The following PDE8B variants were observed in gnomAD, a reference collection of about 807,000 sequenced individuals.
The protein encoded by PDE8B is phosphodiesterase 8B.
PDE8B carries 26 observed loss-of-function variants against 101.3 expected under a neutral mutation model. That is an observed-to-expected ratio of 0.26 (90% CI 0.19 to 0.36). PDE8B has a LOEUF of 0.36. PDE8B is among the 10% of genes least tolerant of loss of function. The probability of loss-of-function intolerance (pLI) is 1.00; values close to 1 mark genes in which losing one functional copy is unlikely to be tolerated. For missense variants in PDE8B, 810 were observed against 1,163.1 expected (o/e 0.70, Z 4.42); for synonymous variants, 424 against 429.3 (o/e 0.99, Z 0.15).
At chr5:77,305,454 G>A (rs1397855763) in intron 1 of PDE8B, among the ~76,000 whole-genome samples, 4 of 152,136 alleles carry the variant, frequency 2.6e-5, no homozygotes, top group African/African-American at 9.7e-5. Context: ...CAGCCAGCAG[G>A]GCCCACAACT....
At chr5:77,135,942 C>G in the PDE8B span, among the ~76,000 whole-genome samples, 8,784 of 152,208 alleles carry the variant, frequency 0.058, 284 homozygotes, top group South Asian at 0.13. Flanking sequence ...AATTCTCTTT[C>G]TGGAACTCCT....
At chr5:77,303,169 G>A (rs1261817136) in intron 1 of PDE8B, among the ~76,000 whole-genome samples, 1 of 152,082 alleles carries the variant, frequency 6.6e-6, no homozygotes, top group African/African-American at 2.4e-5. Context: ...CCATTTATTT[G>A]GAAATATCTA....
chr5:77,293,904 T>C (rs1268170523), intron 1 of PDE8B, among the ~76,000 whole-genome samples: 5 of 152,222 alleles, frequency 3.3e-5, no homozygotes, highest in African/African-American at 1.2e-4. Context: ...GTTTGTTTTC[T>C]TAATGTTGAG....
intron 18 of PDE8B, 137 bp downstream of exon 18, chr5:77,418,583 C>G (rs1796025037): frequency 2.8e-6 from 2 of 714,982 alleles, no homozygotes; most frequent in Non-Finnish European, 5.0e-6. Context: ...TTGCCCTTAA[C>G]TTAATTTGAC....
intron 20 of PDE8B, 78 bp downstream of exon 20, chr5:77,422,066 C>T (rs1403884667): frequency 6.9e-7 from 1 of 1,445,588 alleles, no homozygotes; most frequent in African/African-American, 1.4e-5. Flanking sequence ...GGGGATTCTC[C>T]AGCTGAGTAA....
intron 1 of PDE8B, among the ~76,000 whole-genome samples, chr5:77,233,282 A>T (rs1253674511): frequency 1.3e-5 from 2 of 152,050 alleles, no homozygotes; most frequent in Admixed American, 6.5e-5. Context: ...CCTACCATTG[A>T]TGAAGGCCAG....
In PDE8B at chr5:77,413,219, C is replaced by T; in HGVS notation, c.1821C>T (p.Asn607=). ...CCTGGTTCCAAGTGATCGAAGCCAA[C>T]TACCACTCTTCCAATGCCTACCACA... ...LRAWFQVIEA[N]YHSSNAYHNS... The change falls in exon 17 of 22, where the codon AAC becomes AAT. Residue 607 remains asparagine (N), a synonymous_variant. Coordinates refer to ENST00000264917, the MANE Select transcript of PDE8B (RefSeq NM_003719.5). The T allele has an allele frequency of 6.2e-7, 1 of 1,614,080 alleles. No individual in the cohort carries two copies. Among genetic ancestry groups the T allele is most frequent in the South Asian group, 1.1e-5 (1 of 91,078 alleles).
chr5:77,157,986 C>CA, the PDE8B span, among the ~76,000 whole-genome samples: 43,190 of 152,180 alleles, frequency 0.28, 7,490 homozygotes, highest in Non-Finnish European at 0.39. Flanking sequence ...CTGTGTGGGA[C>CA]ACTTGCCACT....
Position 77,377,825 on chromosome 5 carries a change from A to G in PDE8B, c.1168-22423A>G, listed in dbSNP as rs1447045900. On this transcript the variant is annotated intron_variant, in intron 10 of 21. Transcript: ENST00000264917. ...TGCTTCTTAAGCTGGGACGTTCATC[A>G]TCTCCTTCCCCTGACATCGGTGCTC... 2.0e-5 allele frequency among the ~76,000 whole-genome samples: 3 copies of G among 152,244 alleles called. No homozygotes were observed. In the East Asian group the frequency reaches 5.8e-4, roughly 29 times the overall value.
intron 1 of PDE8B, among the ~76,000 whole-genome samples, chr5:77,249,372 A>T (rs1350358473): frequency 6.6e-6 from 1 of 152,242 alleles, no homozygotes; most frequent in Non-Finnish European, 1.5e-5. Flanking sequence ...GAGAGGTTGA[A>T]TGAGTTATCT....
At chr5:77,109,483 C>T in the PDE8B span, among the ~76,000 whole-genome samples, 1 of 152,216 alleles carries the variant, frequency 6.6e-6, no homozygotes, top group African/African-American at 2.4e-5. Flanking sequence ...GACCTTATAC[C>T]TCATTCCCAA....
At chr5:77,256,782 C>T (rs2149667789) in intron 1 of PDE8B, among the ~76,000 whole-genome samples, 1 of 152,224 alleles carries the variant, frequency 6.6e-6, no homozygotes, top group African/African-American at 2.4e-5. Flanking sequence ...GAAGAGCCAA[C>T]TATTACATTT....
At chr5:77,367,266 C>G (rs1468002159) in intron 10 of PDE8B, among the ~76,000 whole-genome samples, 1 of 152,126 alleles carries the variant, frequency 6.6e-6, no homozygotes, top group Non-Finnish European at 1.5e-5. Context: ...TTCACAGCTG[C>G]TGAAGGTGAG....
At chr5:77,314,582 T>G (rs901751544) in intron 2 of PDE8B, among the ~76,000 whole-genome samples, 3 of 152,082 alleles carry the variant, frequency 2.0e-5, no homozygotes, top group African/African-American at 7.2e-5. Context: ...AACTCATGTA[T>G]TAGTTTTTTG....
At chr5:77,088,340 C>A in the PDE8B span, 1 of 152,216 alleles carries the variant, frequency 6.6e-6, no homozygotes, top group Non-Finnish European at 1.5e-5. Flanking sequence ...CATCAGCTGA[C>A]GGCTTAAGTG....
chr5:77,292,882 TTA>T (rs1767687160), intron 1 of PDE8B, among the ~76,000 whole-genome samples: 1 of 152,188 alleles, frequency 6.6e-6, no homozygotes, highest in Admixed American at 6.5e-5. Flanking sequence ...TTTTCTTGGT[TTA>T]TGTCTTTGAT....
the PDE8B span, among the ~76,000 whole-genome samples, chr5:77,182,091 C>T: frequency 6.6e-6 from 1 of 151,898 alleles, no homozygotes; most frequent in African/African-American, 2.4e-5. Flanking sequence ...TACCACTGAC[C>T]AGTTGTGAAA....
At chr5:77,208,376 A>G (rs1275285596), upstream of PDE8B, among the ~76,000 whole-genome samples, 1 of 152,224 alleles carries the variant, frequency 6.6e-6, no homozygotes, top group Non-Finnish European at 1.5e-5. Flanking sequence ...AAAGGTAATG[A>G]CTGAAATGCT....
intron 1 of PDE8B, among the ~76,000 whole-genome samples, chr5:77,298,505 G>A (rs781015845): frequency 7.9e-5 from 12 of 152,188 alleles, no homozygotes; most frequent in Non-Finnish European, 1.0e-4. Flanking sequence ...GAGGGGGCGA[G>A]GCAAGTCTTT....
Sources: allele counts gnomAD v4.1 joint callset (sites outside exome capture counted in the v4.1 genomes callset), GRCh38; gene constraint gnomAD v4.1.1; transcripts MANE v1.5; gene names NCBI Gene and HGNC (gene_info 2026-07-23, HGNC 2026-07-21).